ADAMTS15: variants seen among roughly 807,000 people sequenced by gnomAD.
ADAMTS15 encodes the protein A disintegrin and metalloproteinase with thrombospondin motifs 15.
A neutral mutation model predicts 79.1 loss-of-function variants in ADAMTS15; 35 were observed. The ratio of observed to expected loss-of-function variants is 0.44; its 90% CI spans 0.34 to 0.59. The LOEUF (loss-of-function observed/expected upper bound fraction) is 0.59, where lower values mean the gene tolerates loss of function less well. Among genes scored for constraint, ADAMTS15 ranks in the 20% least tolerant of loss-of-function variants. The pLI, the probability that ADAMTS15 is intolerant of heterozygous loss-of-function variation, is 0.02. For synonymous variants in ADAMTS15, 616 were observed against 567.3 expected (o/e 1.09, Z -1.22); for missense variants, 1,324 against 1,318.7 (o/e 1.00, Z -0.06).
chr11:130,468,924 G>C (rs1252856690), intron 4 of ADAMTS15, among the ~76,000 whole-genome samples: 1 of 123,664 alleles, frequency 8.1e-6, no homozygotes, highest in African/African-American at 3.5e-5. Context: ...GCAAAAGAGG[G>C]AGACTCCACC....
rs1333420556 is a variant in ADAMTS15, at chr11:130,473,555, G to A, written c.2587G>A (p.Ala863Thr). 1.9e-6 allele frequency: 3 copies of A among 1,603,370 alleles called. No homozygotes were observed. In the African/African-American group the frequency reaches 4.0e-5, roughly 21 times the overall value. Residue 863 changes from alanine to threonine, a missense_variant, in exon 8 of 8, where the codon GCG (alanine) becomes ACG (threonine). Ala to Thr is a moderately conservative substitution (Grantham distance 58). Transcript: ENST00000299164. ...CTGCGGCAGTGGCCTGCAGAAGCGG[G>A]CGGTGGACTGCCGGGGCTCCGCCGG... Reference protein sequence around the residue: ...ASCGSGLQKRAVDCRGSAGQR... With the variant: ...ASCGSGLQKRTVDCRGSAGQR...
chr11:130,471,044 G>A lies in ADAMTS15; in HGVS notation c.1845G>A (p.Lys615=). The part of the protein sequence containing the change: ...PKYSGVSPRD[K]CKLICRANGT... ...ACTCCGGCGTGTCTCCCCGGGACAAGTGCAAGCTCATCTGCCGAGCCAATG... is the reference window on the plus strand; with the variant it reads ...ACTCCGGCGTGTCTCCCCGGGACAAATGCAAGCTCATCTGCCGAGCCAATG... The change falls in exon 6 of 8, where the codon AAG becomes AAA. Residue 615 remains lysine, a synonymous_variant. Transcript: ENST00000299164. The A allele has an allele frequency of 6.2e-7, 1 of 1,613,896 alleles. No individual in the cohort carries two copies. The highest frequency in any genetic ancestry group is 1.6e-4 in the Middle Eastern group (1 of 6,062).
Position 130,462,164 on chromosome 11 carries a change from A to G in ADAMTS15, c.1168A>G (p.Met390Val). The G allele has an allele frequency of 1.2e-6, 2 of 1,614,162 alleles. No homozygotes were observed. Among genetic ancestry groups the G allele is most frequent in the South Asian group, 1.1e-5 (1 of 91,084 alleles). Residue 390 changes from methionine to valine, a missense_variant, in exon 3 of 8, where the codon ATG becomes GTG. Coordinates refer to ENST00000299164, the MANE Select transcript of ADAMTS15 (RefSeq NM_139055.4). This position sits in a 1 kb window ranked among gnomAD's most constrained non-coding sequence, Gnocchi z 4.3. Reference sequence around the variant, plus strand: ...TGGGAAGCTCCGAGCCAACCACATGATGTCCCCGACCCTCATCCAGATCGA... The same window carrying G: ...TGGGAAGCTCCGAGCCAACCACATGGTGTCCCCGACCCTCATCCAGATCGA... ...VFGKLRANHM[M>V]SPTLIQIDRA...
intron 1 of ADAMTS15, among the ~76,000 whole-genome samples, chr11:130,451,832 T>G (rs1937967651): frequency 6.6e-6 from 1 of 152,186 alleles, no homozygotes; most frequent in Admixed American, 6.5e-5. Flanking sequence ...ACAGCTTCTA[T>G]TTCTCAGTGG....
chr11:130,470,150 ATGTG>A (rs869120648), intron 5 of ADAMTS15, among the ~76,000 whole-genome samples: 582 of 52,712 alleles, frequency 0.011, 38 homozygotes, highest in African/African-American at 0.039. Flanking sequence ...ATATATATAT[ATGTG>A]TATATATATA....
intron 1 of ADAMTS15, among the ~76,000 whole-genome samples, chr11:130,456,117 G>C (rs1282142622): frequency 6.6e-6 from 1 of 152,168 alleles, no homozygotes; most frequent in Non-Finnish European, 1.5e-5. Context: ...GGTCTCTTCT[G>C]TGCGATGGGG....
rs1259095725 is a variant in ADAMTS15, at chr11:130,474,826, C to T, written c.*1005C>T. 1 of 152,162 alleles carries T rather than the reference C, an allele frequency of 6.6e-6. No homozygotes were observed. Among genetic ancestry groups the T allele is most frequent in the African/African-American group, 2.4e-5 (1 of 41,426 alleles). The allele number at this position is 152,162 out of a possible 1,614,324, so 9.4% of individuals were successfully genotyped here. A position where few individuals can be genotyped will look rare whatever the true frequency, so the allele number is the denominator to read the frequency against. On this transcript the variant is annotated 3_prime_UTR_variant, in exon 8 of 8. Coordinates refer to ENST00000299164, the MANE Select transcript of ADAMTS15 (RefSeq NM_139055.4). ...GCTGACATCCGAGGGTCTGTGTCGC[C>T]TCAGACAGCCCTGACAGTGGCCACA...
chr11:130,448,886 A>T lies in ADAMTS15; in HGVS notation c.-88A>T. On this transcript the variant is annotated 5_prime_UTR_variant, in exon 1 of 8. Transcript: ENST00000299164. The stretch of plus-strand genomic sequence containing the variant: ...GCTGTCCCGTAGCGTTGGCGGTTCC[A>T]GAGTGCGGGCTGCACGGAGACCGCG... 9.6e-7 allele frequency: 1 copy of T among 1,044,922 alleles called. No individual in the cohort carries two copies. The highest frequency in any genetic ancestry group is 1.3e-6 in the Non-Finnish European group (1 of 778,236). The allele number at this position is 1,044,922 out of a possible 1,614,324, so 64.7% of individuals were successfully genotyped here. A position where few individuals can be genotyped will look rare whatever the true frequency, so the allele number is the denominator to read the frequency against.
At chr11:130,452,868 C>G (rs1937992808) in intron 1 of ADAMTS15, among the ~76,000 whole-genome samples, 1 of 152,036 alleles carries the variant, frequency 6.6e-6, no homozygotes, top group African/African-American at 2.4e-5. Context: ...GTAGTACCAG[C>G]TACTCAGGAG....
rs762717576 is a variant in ADAMTS15, at chr11:130,471,085, A to G, written c.1886A>G (p.Tyr629Cys). The change falls in exon 6 of 8, where the codon TAT (tyrosine) becomes TGT (cysteine). Residue 629 changes from tyrosine (Y) to cysteine (C), a missense_variant. Transcript: ENST00000299164. ...CGAGCCAATGGCACTGGCTACTTCT[A>G]TGTGCTGGCACCCAAGGTGAGTGAG... Reference protein sequence around the residue: ...ICRANGTGYFYVLAPKVVDGT... With the variant: ...ICRANGTGYFCVLAPKVVDGT... 3 of 1,613,524 alleles carry G rather than the reference A, an allele frequency of 1.9e-6. No individual in the cohort carries two copies. The highest frequency in any genetic ancestry group is 2.5e-6 in the Non-Finnish European group (3 of 1,179,810).
intron 4 of ADAMTS15, among the ~76,000 whole-genome samples, chr11:130,463,755 T>C (rs539479857): frequency 6.6e-6 from 1 of 152,284 alleles, no homozygotes; most frequent in East Asian, 1.9e-4. Context: ...CTGTGTAAGA[T>C]ACTGTGGTGG....
Position 130,461,594 on chromosome 11 carries a change from T to A in ADAMTS15, c.1063T>A (p.Ser355Thr). The A allele has an allele frequency of 1.2e-6, 2 of 1,614,154 alleles. No individual in the cohort carries two copies. The highest frequency in any genetic ancestry group is 8.5e-7 in the Non-Finnish European group (1 of 1,180,014). ...CSVIEDDGLP[S>T]AFTTAHELGH... ...TGTCATTGAGGACGATGGGCTTCCA[T>A]CAGCCTTCACCACTGCCCACGAGCT... Residue 355 changes from serine (S) to threonine (T), a missense_variant, in exon 2 of 8, where the codon TCA becomes ACA. By Grantham distance (58) the Ser-to-Thr change is moderately conservative (BLOSUM62 1). Transcript: ENST00000299164.
intron 5 of ADAMTS15, 113 bp from the exon 6 acceptor site, chr11:130,470,807 T>C (rs1938433598): frequency 1.7e-6 from 2 of 1,203,266 alleles, no homozygotes; most frequent in Non-Finnish European, 2.3e-6. Context: ...GCAGCTTTGG[T>C]GATGAGGGTG....
At chr11:130,463,684 G>C (rs1023203852) in intron 4 of ADAMTS15, among the ~76,000 whole-genome samples, 1 of 152,174 alleles carries the variant, frequency 6.6e-6, no homozygotes, top group East Asian at 1.9e-4. Flanking sequence ...GTGTTCTGGG[G>C]ATACATGTCT....
intron 4 of ADAMTS15, among the ~76,000 whole-genome samples, chr11:130,467,283 G>A (rs1388556369): frequency 6.6e-6 from 1 of 152,134 alleles, no homozygotes; most frequent in Non-Finnish European, 1.5e-5. Flanking sequence ...AGCTTCTGGG[G>A]TGTGATGGGG....
intron 2 of ADAMTS15, among the ~76,000 whole-genome samples, 190 bp downstream of exon 2, chr11:130,461,811 G>C (rs1938204907): frequency 1.3e-5 from 2 of 152,180 alleles, no homozygotes; most frequent in Admixed American, 1.3e-4. Flanking sequence ...CGTGGTTTGA[G>C]CCCCTTGGCA....
intron 5 of ADAMTS15, among the ~76,000 whole-genome samples, chr11:130,470,166 A>ATATATATATATG (rs1938409032): frequency 3.5e-5 from 2 of 57,584 alleles, no homozygotes; most frequent in African/African-American, 2.1e-4. Context: ...ATATATATAT[A>ATATATATATATG]TATATATATA....
At chr11:130,466,102 A>G (rs1253894337) in intron 4 of ADAMTS15, among the ~76,000 whole-genome samples, 2 of 151,142 alleles carry the variant, frequency 1.3e-5, no homozygotes, top group Non-Finnish European at 3.0e-5. Flanking sequence ...CGAACTCCTG[A>G]CCTCAGGTGA....
At position 130,474,681 on chromosome 11, in the gene ADAMTS15, T is replaced by C. The variant is rs1208697839; in HGVS notation, c.*860T>C. 7.9e-5 allele frequency: 12 copies of C among 152,496 alleles called. No individual in the cohort carries two copies. Among genetic ancestry groups the C allele is most frequent in the Admixed American group, 7.9e-4 (12 of 15,284 alleles). The allele number at this position is 152,496 out of a possible 1,614,324, so 9.4% of individuals were successfully genotyped here. On this transcript the variant is annotated 3_prime_UTR_variant, in exon 8 of 8. Coordinates refer to ENST00000299164, the MANE Select transcript of ADAMTS15 (RefSeq NM_139055.4). ...CAGAAAGTTCTGGAGGGTTCTGCTGTCACTGGACTGGGGTTGGTGCTGAGC... is the reference window on the plus strand; with the variant it reads ...CAGAAAGTTCTGGAGGGTTCTGCTGCCACTGGACTGGGGTTGGTGCTGAGC...
Sources: allele counts gnomAD v4.1 joint callset (sites outside exome capture counted in the v4.1 genomes callset), GRCh38; gene constraint gnomAD v4.1.1; non-coding constraint Gnocchi (gnomAD v3.1); transcripts MANE v1.5; gene names NCBI Gene and HGNC (gene_info 2026-07-23, HGNC 2026-07-21).